PLGRKT: variants seen among roughly 807,000 people sequenced by gnomAD.
PLGRKT encodes plasminogen receptor with a C-terminal lysine.
Under a neutral mutation model 18.5 loss-of-function variants are expected in PLGRKT, and 22 were observed. That is an observed-to-expected ratio of 1.19 (90% CI 0.85 to 1.70). PLGRKT has a LOEUF of 1.70. PLGRKT is among the 40% of genes most tolerant of loss of function. The pLI is 0.00. For missense variants in PLGRKT, 235 were observed against 174.4 expected (o/e 1.35, Z -1.96); for synonymous variants, 72 against 52.8 (o/e 1.36, Z -1.58).
intron 3 of PLGRKT, among the ~76,000 whole-genome samples, chr9:5,426,901 C>G (rs1037523578): frequency 2.0e-5 from 3 of 152,166 alleles, no homozygotes; most frequent in Admixed American, 1.3e-4. Context: ...CAACGAGGCT[C>G]TCCTTCATCT....
intron 3 of PLGRKT, among the ~76,000 whole-genome samples, chr9:5,411,384 CAAAAA>C (rs78144379): frequency 8.2e-6 from 1 of 122,460 alleles, no homozygotes; most frequent in African/African-American, 3.1e-5. Flanking sequence ...GACCCTGTTT[CAAAAA>C]AAAAAAAAAA....
chr9:5,358,486 A>C (rs2131050040), intron 5 of PLGRKT, 126 bp from the exon 6 acceptor site: 1 of 687,730 alleles, frequency 1.5e-6, no homozygotes, highest in Non-Finnish European at 2.4e-6. Context: ...TCTCACACTT[A>C]AACATTTTCC....
Position 5,395,812 on chromosome 9 carries a change from A to G in PLGRKT, c.82-33924T>C, listed in dbSNP as rs199619230. ...AAGGCATTTTCATGGAAACATTGAC[A>G]AAAAAAAAGGTGGATTTTTTTTATT... On this transcript the variant is annotated intron_variant, in intron 3 of 5. Transcript: ENST00000223864. 1.4e-4 allele frequency among the ~76,000 whole-genome samples: 9 copies of G among 66,154 alleles called. No homozygotes were observed. The East Asian group carries it at 3.8e-3, about 28-fold the overall frequency. 43.4% of individuals were successfully genotyped at this position (66,154 alleles called of 152,430 possible).
intron 3 of PLGRKT, among the ~76,000 whole-genome samples, chr9:5,422,213 T>G (rs1586741454): frequency 6.6e-6 from 1 of 151,982 alleles, no homozygotes; most frequent in Non-Finnish European, 1.5e-5. Context: ...CGATCACAGG[T>G]TGATGGGGAA....
At chr9:5,423,957 ATGTATG>A (rs936741201) in intron 3 of PLGRKT, among the ~76,000 whole-genome samples, 172 of 144,948 alleles carry the variant, frequency 1.2e-3, no homozygotes, top group Non-Finnish European at 1.7e-3. Flanking sequence ...TATATGTAAT[ATGTATG>A]TGTAATACAC....
At chr9:5,374,009 C>A (rs1817579529) in intron 3 of PLGRKT, among the ~76,000 whole-genome samples, 1 of 152,176 alleles carries the variant, frequency 6.6e-6, no homozygotes, top group Non-Finnish European at 1.5e-5. Flanking sequence ...TCTCAGACAC[C>A]TCCTTTTGGT....
chr9:5,385,782 T>C (rs1286386323), intron 3 of PLGRKT, among the ~76,000 whole-genome samples: 1 of 151,846 alleles, frequency 6.6e-6, no homozygotes, highest in Admixed American at 6.6e-5. Context: ...TCTGTATGCC[T>C]TTCGAGCAAA....
intron 3 of PLGRKT, among the ~76,000 whole-genome samples, chr9:5,370,187 A>G (rs551200653): frequency 4.0e-4 from 61 of 152,344 alleles, no homozygotes; most frequent in African/African-American, 1.4e-3. Flanking sequence ...TTGTTACATC[A>G]GCTCTTTCCT....
intron 3 of PLGRKT, among the ~76,000 whole-genome samples, chr9:5,394,774 C>T (rs1586723178): frequency 6.6e-6 from 1 of 151,776 alleles, no homozygotes; most frequent in South Asian, 2.1e-4. Context: ...GATGCTATAA[C>T]AAAATTCACC....
intron 3 of PLGRKT, among the ~76,000 whole-genome samples, chr9:5,378,311 G>A (rs1483454855): frequency 1.3e-5 from 2 of 152,220 alleles, no homozygotes; most frequent in Admixed American, 6.5e-5. Flanking sequence ...ATTCCCAGAT[G>A]TATCTCTGAA....
chr9:5,365,566 T>A (rs1188582715), intron 3 of PLGRKT, among the ~76,000 whole-genome samples: 1 of 152,130 alleles, frequency 6.6e-6, no homozygotes, highest in Non-Finnish European at 1.5e-5. Flanking sequence ...GCGTGAGGGA[T>A]GAAGAAGCTA....
rs760135117 is a variant in PLGRKT, at chr9:5,361,855, T to G, written c.115A>C (p.Arg39=). Residue 39 remains arginine, a synonymous_variant, in exon 4 of 6, where the codon AGG becomes CGG. Coordinates refer to ENST00000223864, the MANE Select transcript of PLGRKT (RefSeq NM_018465.4). ...ERQLIMQSEM[R]ERQMAMQIAW... is the part of the protein sequence containing the mutation. ...ATCTGCATGGCCATTTGTCTTTCCC[T>G]CATTTCACTCTGCATGATGAGCTGC... 6.2e-7 allele frequency: 1 copy of G among 1,612,938 alleles called. No individual in the cohort carries two copies. Among genetic ancestry groups the G allele is most frequent in the Non-Finnish European group, 8.5e-7 (1 of 1,179,494 alleles).
rs1193348992 is a variant in PLGRKT, at chr9:5,358,312, G to A, written c.371C>T (p.Pro124Leu). The stretch of plus-strand genomic sequence containing the variant: ...GCTTTCAAAAGTGATCATTCCTCTT[G>A]GCAGCTGCAATTTACTCTTTTCTGT... ...LETEKSKLQL[P>L]RGMITFESIE... The change falls in exon 6 of 6, where the codon CCA becomes CTA. Residue 124 changes from proline (P) to leucine (L), a missense_variant. Coordinates refer to ENST00000223864, the MANE Select transcript of PLGRKT (RefSeq NM_018465.4). The A allele has an allele frequency of 1.9e-6, 3 of 1,608,690 alleles. No homozygotes were observed. The highest frequency in any genetic ancestry group is 2.7e-5 in the African/African-American group (2 of 74,840).
At chr9:5,434,472 G>A (rs1388010403) in intron 2 of PLGRKT, among the ~76,000 whole-genome samples, 2 of 145,952 alleles carry the variant, frequency 1.4e-5, no homozygotes, top group African/African-American at 5.2e-5. Flanking sequence ...GGTGAGGGGT[G>A]TCTCTGCCCG....
chr9:5,405,163 G>A (rs188301773), intron 3 of PLGRKT, among the ~76,000 whole-genome samples: 185 of 152,166 alleles, frequency 1.2e-3, no homozygotes, highest in African/African-American at 4.2e-3. Flanking sequence ...AATCAATATC[G>A]TAAAAATGGC....
chr9:5,368,894 G>T (rs1201494149), intron 3 of PLGRKT, among the ~76,000 whole-genome samples: 2 of 152,116 alleles, frequency 1.3e-5, no homozygotes, highest in African/African-American at 2.4e-5. Flanking sequence ...TGGGAAAACT[G>T]GCTAGCCATA....
chr9:5,363,302 G>A (rs940399246), intron 3 of PLGRKT, among the ~76,000 whole-genome samples: 1 of 151,750 alleles, frequency 6.6e-6, no homozygotes, highest in African/African-American at 2.4e-5. Flanking sequence ...CCAGGCTGGC[G>A]TAACCATCAT....
intron 3 of PLGRKT, among the ~76,000 whole-genome samples, chr9:5,417,493 A>T (rs563951464): frequency 6.6e-6 from 1 of 152,276 alleles, no homozygotes; most frequent in East Asian, 1.9e-4. Flanking sequence ...CTGATATGAC[A>T]CCAAAAACAA....
intron 3 of PLGRKT, among the ~76,000 whole-genome samples, chr9:5,420,889 G>A (rs573040854): frequency 2.0e-4 from 31 of 152,212 alleles, no homozygotes; most frequent in Non-Finnish European, 4.3e-4. Context: ...GGGGGCACAA[G>A]TGTGACAGAT....
Sources: gnomAD v4.1 joint callset for allele counts (sites outside exome capture counted in the v4.1 genomes callset) on GRCh38, gnomAD v4.1.1 for gene constraint, MANE v1.5 for transcripts, NCBI Gene and HGNC (gene_info 2026-07-23, HGNC 2026-07-21) for gene names.